DNAAF9: variants seen among roughly 807,000 people sequenced by gnomAD.
DNAAF9 encodes shulin.
In DNAAF9, 90 loss-of-function variants were observed where a neutral mutation model predicts 167.0. The observed-to-expected ratio is 0.54, with a 90% CI of 0.45 to 0.64. The LOEUF (loss-of-function observed/expected upper bound fraction) is 0.64, where lower values mean the gene tolerates loss of function less well. DNAAF9 is among the 30% of genes least tolerant of loss of function. The pLI, the probability that DNAAF9 is intolerant of heterozygous loss-of-function variation, is 0.00. For missense variants in DNAAF9, 1,315 were observed against 1,442.2 expected (o/e 0.91, Z 1.43); for synonymous variants, 491 against 508.8 (o/e 0.96, Z 0.47).
At chr20:3,400,340 CAAGTAAACAAAAGTTTACT>C (rs547911703) in intron 1 of DNAAF9, among the ~76,000 whole-genome samples, 514 of 152,062 alleles carry the variant, frequency 3.4e-3, no homozygotes, top group Middle Eastern at 6.8e-3. Flanking sequence ...TAGTAAACTC[CAAGTAAACAAAAGTTTACT>C]AAGTAAACAA....
At position 3,259,942 on chromosome 20, in the gene DNAAF9, C is replaced by T. The variant is rs556622629; in HGVS notation, c.2960G>A (p.Arg987His). Residue 987 changes from arginine to histidine, a missense_variant, in exon 32 of 37, where the codon CGC (arginine) becomes CAC (histidine). Transcript: ENST00000252032. Reference protein sequence around the residue: ...VWFGRPLEKTRFVAKCKAIQS... With the variant: ...VWFGRPLEKTHFVAKCKAIQS... Reference sequence around the variant, plus strand: ...CTTACCTTTACATTTGGCCACAAAGCGAGTCTTCTCCAAGGGACGGCCAAA... The same window carrying T: ...CTTACCTTTACATTTGGCCACAAAGTGAGTCTTCTCCAAGGGACGGCCAAA... The T allele has an allele frequency of 2.1e-5, 33 of 1,606,946 alleles. No individual in the cohort carries two copies. Among genetic ancestry groups the T allele is most frequent in the East Asian group, 2.0e-4 (9 of 44,830 alleles).
At chr20:3,403,533 T>C (rs987715661) in intron 1 of DNAAF9, among the ~76,000 whole-genome samples, 7 of 149,178 alleles carry the variant, frequency 4.7e-5, no homozygotes, top group African/African-American at 1.7e-4. Context: ...AACATCCCCA[T>C]TTACATACTA....
intron 14 of DNAAF9, among the ~76,000 whole-genome samples, chr20:3,323,949 G>A (rs925115137): frequency 7.2e-5 from 11 of 152,162 alleles, no homozygotes; most frequent in African/African-American, 2.4e-4. Flanking sequence ...CTGAAGAAGC[G>A]TTCTCAAATT....
At chr20:3,297,638 G>C (rs1030917176) in intron 22 of DNAAF9, among the ~76,000 whole-genome samples, 1 of 152,198 alleles carries the variant, frequency 6.6e-6, no homozygotes, top group Non-Finnish European at 1.5e-5. Context: ...AGTGCAGCCT[G>C]CCAGGTGGTA....
chr20:3,349,750 A>G (rs1399015052), intron 7 of DNAAF9, among the ~76,000 whole-genome samples: 1 of 152,138 alleles, frequency 6.6e-6, no homozygotes, highest in Non-Finnish European at 1.5e-5. Flanking sequence ...CTTGAAGGTT[A>G]TCATCAATTA....
intron 29 of DNAAF9, 28 bp from the exon 30 acceptor site, chr20:3,270,590 C>A: frequency 6.2e-7 from 1 of 1,608,704 alleles, no homozygotes; most frequent in East Asian, 2.2e-5. Context: ...GACAGTTTAG[C>A]CTTCACAGTC....
At chr20:3,340,661 A>C in intron 9 of DNAAF9, 22 bp from the exon 10 acceptor site, 1 of 1,612,912 alleles carries the variant, frequency 6.2e-7, no homozygotes, top group Non-Finnish European at 8.5e-7. Flanking sequence ...AGTCAAAAAC[A>C]TGTGATTAGA....
At chr20:3,310,388 A>AGAAAGAAT (rs1491207193) in intron 20 of DNAAF9, among the ~76,000 whole-genome samples, 102 of 151,200 alleles carry the variant, frequency 6.7e-4, no homozygotes, top group Middle Eastern at 3.4e-3. Context: ...AAAGAAAGAA[A>AGAAAGAAT]GAATTCCTAA....
chr20:3,327,819 C>A (rs949368522), intron 12 of DNAAF9, among the ~76,000 whole-genome samples: 1 of 152,180 alleles, frequency 6.6e-6, no homozygotes, highest in African/African-American at 2.4e-5. Context: ...GGCTCCTGCA[C>A]CACATGCAGG....
intron 21 of DNAAF9, among the ~76,000 whole-genome samples, chr20:3,301,178 C>CTTTTTTTTTTTTTTTTTTTTT (rs11469332): frequency 8.0e-6 from 1 of 125,154 alleles, no homozygotes. Context: ...TCATGCTTGG[C>CTTTTTTTTTTTTTTTTTTTTT]TTTTTTTTTT....
chr20:3,352,972 T>C (rs1448041889), intron 7 of DNAAF9, among the ~76,000 whole-genome samples: 1 of 149,614 alleles, frequency 6.7e-6, no homozygotes, highest in Non-Finnish European at 1.5e-5. Context: ...CCTGACATCT[T>C]TGTTACTTCT....
In DNAAF9 at chr20:3,294,549, G is replaced by T; in HGVS notation, c.2099C>A (p.Ala700Asp). The change falls in exon 24 of 37, where the codon GCC becomes GAC. Residue 700 changes from alanine (A) to aspartate (D), a missense_variant. Transcript: ENST00000252032. ...EKRSSLKLLS[A>D]KLPELDWFLQ... Reference sequence around the variant, plus strand: ...TTACCAGTCCAGCTCTGGGAGTTTGGCTGAGAGTAACTTTAGGGAACTCCG... The same window carrying T: ...TTACCAGTCCAGCTCTGGGAGTTTGTCTGAGAGTAACTTTAGGGAACTCCG... 1 of 1,611,778 alleles carries T rather than the reference G, an allele frequency of 6.2e-7. No homozygotes were observed. Among genetic ancestry groups the T allele is most frequent in the Non-Finnish European group, 8.5e-7 (1 of 1,177,898 alleles).
intron 1 of DNAAF9, chr20:3,384,457 G>A (rs1246944108): frequency 2.0e-5 from 3 of 151,388 alleles, no homozygotes; most frequent in Non-Finnish European, 4.4e-5. Context: ...TTAATCATCA[G>A]TCAAAAACAA....
rs386393120 is a variant in DNAAF9 at position 3,268,897 on chromosome 20, C to CTTTTTTTTTTTTT, written c.2786+1517_2786+1529dup. ...GTAAAGAGATAATATCTCTATGTTACTTTTTTTTTTTTTTTTTTTTTTTTG... is the reference window on the plus strand; with the variant it reads ...GTAAAGAGATAATATCTCTATGTTACTTTTTTTTTTTTTTTTTTTTTTTTTTTTTTTTTTTTTG... On this transcript the variant is annotated intron_variant, in intron 30 of 36. Transcript: ENST00000252032. Among the ~76,000 whole-genome samples the CTTTTTTTTTTTTT allele has an allele frequency of 6.9e-4, 59 of 85,838 alleles. 6 individuals carry two copies. The highest frequency in any genetic ancestry group is 1.9e-3 in the African/African-American group (41 of 21,492). The allele number at this position is 85,838 out of a possible 152,430, so 56.3% of individuals were successfully genotyped here. A position where few individuals can be genotyped will look rare whatever the true frequency, so the allele number is the denominator to read the frequency against.
At chr20:3,289,996 T>C in intron 26 of DNAAF9, 133 bp downstream of exon 26, 1 of 686,860 alleles carries the variant, frequency 1.5e-6, no homozygotes, top group Admixed American at 2.2e-5. Context: ...CAGAAGAGCA[T>C]ATTAAATGAA....
At position 3,307,002 on chromosome 20, in the gene DNAAF9, A is replaced by G. The variant is rs566148007; in HGVS notation, c.1679-2459T>C. On this transcript the variant is annotated intron_variant, in intron 20 of 36. Transcript: ENST00000252032. ...GTATCCCTCTACATTTGTACTTTTG[A>G]AGTGAACCTTTTTAGAAACAAGTCC... The G allele has an allele frequency of 1.3e-5, 13 of 985,348 alleles. No individual in the cohort carries two copies. In the African/African-American group the frequency reaches 2.3e-4, roughly 17 times the overall value. The allele number at this position is 985,348 out of a possible 1,614,324, so 61.0% of individuals were successfully genotyped here.
intron 6 of DNAAF9, among the ~76,000 whole-genome samples, chr20:3,371,333 C>CTTT (rs532202424): frequency 2.4e-4 from 20 of 84,076 alleles, no homozygotes; most frequent in East Asian, 1.2e-3. Flanking sequence ...TGAAGAAAAT[C>CTTT]TTTTTTTTTT....
At chr20:3,363,838 AT>A (rs1348413979) in intron 6 of DNAAF9, among the ~76,000 whole-genome samples, 1 of 152,098 alleles carries the variant, frequency 6.6e-6, no homozygotes, top group East Asian at 1.9e-4. Flanking sequence ...TTTCTTTAGC[AT>A]TATTCAATCT....
At chr20:3,319,621 TGTC>T (rs924873108) in intron 16 of DNAAF9, among the ~76,000 whole-genome samples, 1 of 151,992 alleles carries the variant, frequency 6.6e-6, no homozygotes, top group Non-Finnish European at 1.5e-5. Flanking sequence ...TTTCACATAT[TGTC>T]GTCCTAGCCT....
Sources: allele counts gnomAD v4.1 joint callset (sites outside exome capture counted in the v4.1 genomes callset), GRCh38; gene constraint gnomAD v4.1.1; transcripts MANE v1.5; gene names NCBI Gene and HGNC (gene_info 2026-07-23, HGNC 2026-07-21).